Variants in VWC2 observed in about 807,000 individuals in gnomAD.
VWC2 encodes brorin.
Under a neutral mutation model 29.8 loss-of-function variants are expected in VWC2, and 14 were observed. The ratio of observed to expected loss-of-function variants is 0.47; its 90% confidence interval spans 0.31 to 0.74. The LOEUF (loss-of-function observed/expected upper bound fraction) is 0.74, where lower values mean the gene tolerates loss of function less well. Among genes scored for constraint, VWC2 ranks in the 30% least tolerant of loss-of-function variants. VWC2 has a pLI of 0.05. For synonymous variants in VWC2, 213 were observed against 199.0 expected (o/e 1.07, Z -0.59); for missense variants, 457 against 459.8 (o/e 0.99, Z 0.05).
At chr7:49,827,259 T>A (rs947317099) in intron 3 of VWC2, among the ~76,000 whole-genome samples, 2 of 152,086 alleles carry the variant, frequency 1.3e-5, no homozygotes, top group Non-Finnish European at 2.9e-5. Context: ...ATTCTGACAT[T>A]TTATACTCAT....
chr7:49,828,788 A>G (rs2128710884), intron 3 of VWC2, among the ~76,000 whole-genome samples: 1 of 152,260 alleles, frequency 6.6e-6, no homozygotes, highest in Non-Finnish European at 1.5e-5. Flanking sequence ...TAAGCAACCA[A>G]TCCAGAGCCC....
intron 2 of VWC2, among the ~76,000 whole-genome samples, chr7:49,780,043 C>T (rs1788141106): frequency 6.6e-6 from 1 of 152,208 alleles, no homozygotes; most frequent in South Asian, 2.1e-4. Context: ...CACAGGTTAG[C>T]CCAAAACATA....
intron 3 of VWC2, among the ~76,000 whole-genome samples, chr7:49,809,420 G>C (rs1788949332): frequency 6.6e-6 from 1 of 151,912 alleles, no homozygotes; most frequent in Non-Finnish European, 1.5e-5. Flanking sequence ...ATCTTTACTG[G>C]TGAATTCTTT....
intron 3 of VWC2, 69 bp downstream of exon 3, chr7:49,802,909 T>C (rs1788775828): frequency 2.5e-6 from 4 of 1,603,184 alleles, no homozygotes; most frequent in Non-Finnish European, 2.6e-6. Context: ...TGCTGCTTCA[T>C]GGTAGACGGG....
chr7:49,851,154 G>C (rs1028598224), intron 3 of VWC2, among the ~76,000 whole-genome samples: 3 of 152,158 alleles, frequency 2.0e-5, no homozygotes, highest in Non-Finnish European at 2.9e-5. Context: ...GGTTTTAGAG[G>C]CTTCACTGCA....
At chr7:49,836,591 A>T (rs1789665566) in intron 3 of VWC2, among the ~76,000 whole-genome samples, 1 of 151,644 alleles carries the variant, frequency 6.6e-6, no homozygotes, top group Admixed American at 6.6e-5. Context: ...ATGAGCTGAG[A>T]TCTCCCCACT....
chr7:49,801,327 A>C (rs901391835), intron 2 of VWC2, among the ~76,000 whole-genome samples: 1 of 152,216 alleles, frequency 6.6e-6, no homozygotes, highest in African/African-American at 2.4e-5. Context: ...ACTCAGCTTG[A>C]TACGACCCAT....
intron 3 of VWC2, among the ~76,000 whole-genome samples, chr7:49,816,548 G>A (rs979968459): frequency 1.3e-5 from 2 of 152,170 alleles, no homozygotes; most frequent in South Asian, 2.1e-4. Flanking sequence ...AGGAAGAATG[G>A]GAGGAAGAGC....
intron 2 of VWC2, among the ~76,000 whole-genome samples, chr7:49,795,624 G>GAA (rs1788570408): frequency 6.6e-6 from 1 of 152,184 alleles, no homozygotes; most frequent in Non-Finnish European, 1.5e-5. Context: ...CCTAATCCTT[G>GAA]AGCAGCTCTT....
rs1444324815 is a variant in VWC2 at position 49,780,560 on chromosome 7, T to G, written c.696+4429T>G. Among the ~76,000 whole-genome samples, 4 of 152,358 alleles carry G rather than the reference T, an allele frequency of 2.6e-5. No individual in the cohort carries two copies. The East Asian group carries it at 7.7e-4, about 29-fold the overall frequency. Reference sequence around the variant, plus strand: ...GTTTTATAAAACCTAATGGAATTTTTGTGACTCTGAAATAGGGCCATACAG... The same window carrying G: ...GTTTTATAAAACCTAATGGAATTTTGGTGACTCTGAAATAGGGCCATACAG... On this transcript the variant is annotated intron_variant, in intron 2 of 3. Transcript: ENST00000340652.
intron 3 of VWC2, among the ~76,000 whole-genome samples, chr7:49,852,538 G>A (rs1790222836): frequency 6.6e-6 from 1 of 152,066 alleles, no homozygotes; most frequent in Non-Finnish European, 1.5e-5. Context: ...CAGAAGGGCC[G>A]AAGATCATAC....
intron 3 of VWC2, among the ~76,000 whole-genome samples, chr7:49,835,079 G>A (rs559000127): frequency 6.6e-6 from 1 of 152,330 alleles, no homozygotes; most frequent in African/African-American, 2.4e-5. Context: ...GGGACAAAGA[G>A]TGCCCTGATA....
chr7:49,829,730 T>C lies in VWC2; in HGVS notation c.826+26890T>C, dbSNP rs1034322244. On this transcript the variant is annotated intron_variant, in intron 3 of 3. Transcript: ENST00000340652. ...CCAGTGAGGAGGGCAAGCTGTGTTA[T>C]GCCTTTCTGCATTTAGTCCACCTGG... 2.6e-5 allele frequency among the ~76,000 whole-genome samples: 4 copies of C among 152,366 alleles called. No individual in the cohort carries two copies. In the South Asian group the frequency reaches 8.3e-4, roughly 32 times the overall value.
At chr7:49,881,364 A>C (rs900132551) in intron 3 of VWC2, among the ~76,000 whole-genome samples, 4 of 152,228 alleles carry the variant, frequency 2.6e-5, no homozygotes, top group Non-Finnish European at 5.9e-5. Flanking sequence ...ATTCAAAAAA[A>C]CAGCACTGAA....
At chr7:49,802,997 GGTTCT>G (rs1354058964) in intron 3 of VWC2, among the ~76,000 whole-genome samples, 157 bp downstream of exon 3, 1 of 152,220 alleles carries the variant, frequency 6.6e-6, no homozygotes, top group Non-Finnish European at 1.5e-5. Context: ...CAGCCACAGT[GGTTCT>G]GTAGCAAGGC....
chr7:49,816,668 A>G (rs554337559), intron 3 of VWC2, among the ~76,000 whole-genome samples: 1 of 152,346 alleles, frequency 6.6e-6, no homozygotes, highest in East Asian at 1.9e-4. Context: ...GGGGAAAAAC[A>G]GGAAAATCTG....
chr7:49,796,008 G>A (rs1414031689), intron 2 of VWC2, among the ~76,000 whole-genome samples: 1 of 152,110 alleles, frequency 6.6e-6, no homozygotes, highest in African/African-American at 2.4e-5. Flanking sequence ...GGGGGTAGGG[G>A]CCCCTATCTG....
chr7:49,819,159 T>G (rs1390052359), intron 3 of VWC2, among the ~76,000 whole-genome samples: 1 of 152,212 alleles, frequency 6.6e-6, no homozygotes, highest in Non-Finnish European at 1.5e-5. Flanking sequence ...GTATCGAACC[T>G]ACACAAAACT....
chr7:49,784,272 A>C (rs1338799447), intron 2 of VWC2, among the ~76,000 whole-genome samples: 1 of 152,004 alleles, frequency 6.6e-6, no homozygotes, highest in Non-Finnish European at 1.5e-5. Flanking sequence ...CTCATTATTT[A>C]CTCCCTCCCC....
Sources: allele counts gnomAD v4.1 joint callset (sites outside exome capture counted in the v4.1 genomes callset), GRCh38; gene constraint gnomAD v4.1.1; transcripts MANE v1.5; gene names NCBI Gene and HGNC (gene_info 2026-07-23, HGNC 2026-07-21).